RNF212: variants seen among roughly 807,000 people sequenced by gnomAD.
The protein encoded by RNF212 is probable E3 SUMO-protein ligase RNF212.
RNF212 carries 33 observed loss-of-function variants against 34.7 expected under a neutral mutation model. That is an observed-to-expected ratio of 0.95 (90% CI 0.72 to 1.27). RNF212 has a LOEUF of 1.27. Among genes scored for constraint, RNF212 ranks in the 50% most tolerant of loss-of-function variants. The probability of loss-of-function intolerance (pLI) is 0.00; values close to 1 mark genes in which losing one functional copy is unlikely to be tolerated. For missense variants in RNF212, 377 were observed against 362.2 expected (o/e 1.04, Z -0.33); for synonymous variants, 140 against 136.1 (o/e 1.03, Z -0.20).
intron 8 of RNF212, among the ~76,000 whole-genome samples, chr4:1,075,821 C>T (rs1033101603): frequency 6.6e-6 from 1 of 152,104 alleles, no homozygotes; most frequent in Non-Finnish European, 1.5e-5. Context: ...CAGGTGTGCA[C>T]CACCATGCCC....
chr4:1,097,934 A>T (rs1465815249), intron 2 of RNF212, among the ~76,000 whole-genome samples: 2 of 151,954 alleles, frequency 1.3e-5, no homozygotes, highest in African/African-American at 4.8e-5. Flanking sequence ...GCGTGATGGC[A>T]GGTGCCTGTA....
In RNF212 at chr4:1,083,572, A is replaced by C. The variant is rs560323805; in HGVS notation, c.363-1953T>G. 1.4e-3 allele frequency among the ~76,000 whole-genome samples: 217 copies of C among 152,236 alleles called. 1 individual carries two copies. Among genetic ancestry groups the C allele is most frequent in the African/African-American group, 5.0e-3 (208 of 41,542 alleles). On this transcript the variant is annotated intron_variant, in intron 5 of 9. Coordinates refer to ENST00000433731, the MANE Select transcript of RNF212 (RefSeq NM_001131034.4). ...ACAATCGCTTGAACCCGGCAGGCGG[A>C]GGTTGAGGTGAGCTGAGATCGTGCC...
intron 3 of RNF212, among the ~76,000 whole-genome samples, chr4:1,064,690 T>A (rs7669399): frequency 6.6e-6 from 1 of 151,726 alleles, no homozygotes; most frequent in Non-Finnish European, 1.5e-5. Context: ...AGTGTACAGT[T>A]CACTGGTATT....
intron 3 of RNF212, among the ~76,000 whole-genome samples, chr4:1,063,624 C>T (rs963382175): frequency 3.3e-5 from 5 of 151,226 alleles, no homozygotes; most frequent in Admixed American, 2.0e-4. Context: ...TCACTTGAAC[C>T]CAGAGGTGGA....
rs1467641310 is a variant in RNF212, at chr4:1,112,903, G to A, written c.109+453C>T. ...CTCCCTGCAGCCCCCCACCACCTCC[G>A]GCGTCCCCTCTTTCCCCACCCTCCC... On this transcript the variant is annotated intron_variant, in intron 1 of 9. Transcript: ENST00000433731. Among the ~76,000 whole-genome samples the A allele has an allele frequency of 8.2e-4, 41 of 49,758 alleles. 2 individuals are homozygous for A. The South Asian group carries it at 0.038, about 47-fold the overall frequency. The allele number at this position is 49,758 out of a possible 152,430, so 32.6% of individuals were successfully genotyped here. A position where few individuals can be genotyped will look rare whatever the true frequency, so the allele number is the denominator to read the frequency against.
intron 5 of RNF212, among the ~76,000 whole-genome samples, chr4:1,084,573 T>TA (rs1292306018): frequency 6.6e-6 from 1 of 150,962 alleles, no homozygotes; most frequent in Admixed American, 6.6e-5. Context: ...CCACACAAAA[T>TA]AAAAAAATTA....
In RNF212 at chr4:1,079,638, C is replaced by T; in HGVS notation, c.510+5G>A. 1 of 1,596,754 alleles carries T rather than the reference C, an allele frequency of 6.3e-7. No homozygotes were observed. The highest frequency in any genetic ancestry group is 8.6e-7 in the Non-Finnish European group (1 of 1,164,276). On this transcript the variant is annotated splice_donor_5th_base_variant and intron_variant, in intron 8 of 9. Transcript: ENST00000433731. ...AGAGGAACTCAGCAGGAGAGATGCA[C>T]TTACTTTTCTAATCGGAGAAGGAGA...
chr4:1,065,804 T>C (rs1489786140), intron 3 of RNF212, among the ~76,000 whole-genome samples: 1 of 146,436 alleles, frequency 6.8e-6, no homozygotes, highest in African/African-American at 2.4e-5. Flanking sequence ...CAGGCTGGTC[T>C]TGAAGTCCTG....
intron 2 of RNF212, among the ~76,000 whole-genome samples, chr4:1,106,798 AAAAG>A (rs1724901378): frequency 6.6e-6 from 1 of 152,244 alleles, no homozygotes; most frequent in African/African-American, 2.4e-5. Context: ...TGTGTGGAGG[AAAAG>A]AAAGTATTTT....
At chr4:1,074,011 G>C (rs1718865805) in intron 8 of RNF212, among the ~76,000 whole-genome samples, 1 of 152,170 alleles carries the variant, frequency 6.6e-6, no homozygotes, top group African/African-American at 2.4e-5. Context: ...AATCATTCTT[G>C]GGTGCATAAT....
downstream of RNF212, among the ~76,000 whole-genome samples, chr4:1,068,681 T>C (rs765637633): frequency 1.4e-4 from 22 of 152,240 alleles, no homozygotes; most frequent in Non-Finnish European, 3.1e-4. Context: ...TTCTAACAGA[T>C]TGAAGTGACT....
upstream of RNF212, chr4:1,113,619 C>A: frequency 1.9e-6 from 1 of 519,442 alleles, no homozygotes; most frequent in Non-Finnish European, 3.3e-6. Context: ...TCGCGCCCTC[C>A]CGCCAACCTC....
chr4:1,099,806 G>T, intron 2 of RNF212: 1 of 456,264 alleles, frequency 2.2e-6, no homozygotes, highest in South Asian at 1.5e-5. Flanking sequence ...GAGCAATCGA[G>T]TCCACAAGGT....
At chr4:1,098,801 C>T (rs1022580940) in intron 2 of RNF212, among the ~76,000 whole-genome samples, 1 of 152,146 alleles carries the variant, frequency 6.6e-6, no homozygotes, top group Non-Finnish European at 1.5e-5. Context: ...AGAAAAAGTG[C>T]CCCCAGCAGA....
chr4:1,099,458 T>C (rs1267396907), intron 2 of RNF212, among the ~76,000 whole-genome samples: 1 of 151,934 alleles, frequency 6.6e-6, no homozygotes, highest in Non-Finnish European at 1.5e-5. Flanking sequence ...CAGCACTGTA[T>C]GGTGGGGCCT....
chr4:1,069,682 A>G (rs1401140511), downstream of RNF212, among the ~76,000 whole-genome samples: 1 of 152,252 alleles, frequency 6.6e-6, no homozygotes, highest in East Asian at 1.9e-4. Context: ...GCAGAGCAGT[A>G]GCATTTCTGG....
At chr4:1,061,392 G>A (rs1717739721) in intron 3 of RNF212, among the ~76,000 whole-genome samples, 1 of 152,194 alleles carries the variant, frequency 6.6e-6, no homozygotes, top group Non-Finnish European at 1.5e-5. Flanking sequence ...GGCTGGGGAG[G>A]GGTAAGGAGG....
At chr4:1,065,646 AG>A in intron 3 of RNF212, among the ~76,000 whole-genome samples, 1 of 151,930 alleles carries the variant, frequency 6.6e-6, no homozygotes, top group Non-Finnish European at 1.5e-5. Context: ...TTTTGTAGAG[AG>A]GGGGTTTTGC....
chr4:1,108,003 C>G (rs564499853), intron 2 of RNF212, among the ~76,000 whole-genome samples: 3 of 152,160 alleles, frequency 2.0e-5, no homozygotes, highest in Admixed American at 6.5e-5. Context: ...ACTTTATGAA[C>G]AACACTCTTA....
Sources: gnomAD v4.1 joint callset for allele counts (sites outside exome capture counted in the v4.1 genomes callset) on GRCh38, gnomAD v4.1.1 for gene constraint, MANE v1.5 for transcripts, NCBI Gene and HGNC (gene_info 2026-07-23, HGNC 2026-07-21) for gene names.